Variants in TENM3 observed in about 807,000 individuals in gnomAD.
The protein encoded by TENM3 is teneurin-3.
TENM3 carries 63 observed loss-of-function variants against 255.1 expected under a neutral mutation model. The ratio of observed to expected loss-of-function variants is 0.25; its 90% CI spans 0.20 to 0.30. TENM3 has a LOEUF of 0.30. Among genes scored for constraint, TENM3 ranks in the 10% least tolerant of loss-of-function variants. The pLI is 1.00. For missense variants in TENM3, 2,929 were observed against 3,461.1 expected, an observed-to-expected ratio of 0.85 and a Z score of 3.86; for synonymous variants, 1,306 against 1,322.3, an observed-to-expected ratio of 0.99 and a Z score of 0.27.
At chr4:182,069,249 G>C in the TENM3 span, among the ~76,000 whole-genome samples, 1 of 152,162 alleles carries the variant, frequency 6.6e-6, no homozygotes, top group African/African-American at 2.4e-5. Flanking sequence ...GTTTCATGGA[G>C]AGCTGAATAT....
At chr4:182,453,560 G>A (rs1031619) in intron 3 of TENM3, among the ~76,000 whole-genome samples, 127,328 of 152,148 alleles carry the variant, frequency 0.84, 54,573 homozygotes, top group East Asian at 1. Flanking sequence ...ACTAATATGG[G>A]ACTAACATAA....
intron 12 of TENM3, among the ~76,000 whole-genome samples, chr4:182,691,990 A>T (rs1187863173): frequency 1.4e-5 from 2 of 144,310 alleles, no homozygotes; most frequent in Non-Finnish European, 3.1e-5. Flanking sequence ...ACTGTTTTTC[A>T]TGGGTAGGAA....
intron 3 of TENM3, among the ~76,000 whole-genome samples, chr4:182,442,870 A>G (rs1188054050): frequency 2.6e-5 from 4 of 151,132 alleles, no homozygotes; most frequent in East Asian, 1.9e-4. Flanking sequence ...ACACACACAC[A>G]CACACACACA....
chr4:182,171,400 G>T (rs966576265), intron 1 of TENM3, among the ~76,000 whole-genome samples: 4 of 151,932 alleles, frequency 2.6e-5, no homozygotes, highest in Non-Finnish European at 4.4e-5. Flanking sequence ...TTTCTTGTAT[G>T]AGCCGAGTGT....
intron 3 of TENM3, among the ~76,000 whole-genome samples, chr4:182,365,837 A>G (rs1048852004): frequency 6.6e-6 from 1 of 152,192 alleles, no homozygotes; most frequent in Non-Finnish European, 1.5e-5. Flanking sequence ...GGTATAGCCC[A>G]CTATATCTAG....
the TENM3 span, among the ~76,000 whole-genome samples, chr4:181,898,332 C>T: frequency 1.2e-4 from 19 of 152,114 alleles, no homozygotes; most frequent in African/African-American, 4.3e-4. Context: ...TACCCAATTC[C>T]AGTGTTTTAT....
the TENM3 span, among the ~76,000 whole-genome samples, chr4:181,818,611 C>CT: frequency 0.021 from 3,007 of 141,532 alleles, 77 homozygotes; most frequent in African/African-American, 0.059. Context: ...CAGTAAATCT[C>CT]TTTTTTTTTT....
At chr4:181,682,487 G>A in the TENM3 span, among the ~76,000 whole-genome samples, 67 of 152,202 alleles carry the variant, frequency 4.4e-4, no homozygotes, top group Non-Finnish European at 7.8e-4. Flanking sequence ...ATGTAGACAC[G>A]GACATTTGTG....
In TENM3 at chr4:182,354,729, G is replaced by A. The variant is rs191349761; in HGVS notation, c.511+7800G>A. Among the ~76,000 whole-genome samples, 435 of 152,106 alleles carry A rather than the reference G, an allele frequency of 2.9e-3. 2 individuals are homozygous for A. Among genetic ancestry groups the A allele is most frequent in the Middle Eastern group, 0.01 (3 of 294 alleles). ...GTTTTCCATAATAAATAGGCTGTAC[G>A]CAAACTAAACGTGAAACCTATTTGA... On this transcript the variant is annotated intron_variant, in intron 3 of 27. Coordinates refer to ENST00000511685, the MANE Select transcript of TENM3 (RefSeq NM_001080477.4).
At chr4:182,495,596 G>A (rs6838167) in intron 3 of TENM3, among the ~76,000 whole-genome samples, 60,880 of 152,014 alleles carry the variant, frequency 0.4, 12,479 homozygotes, top group Non-Finnish European at 0.44. Context: ...TGAGAGGAAA[G>A]GAGAAAGCAT....
the TENM3 span, among the ~76,000 whole-genome samples, chr4:182,025,828 T>A: frequency 4.3e-4 from 66 of 152,278 alleles, no homozygotes; most frequent in South Asian, 8.5e-3. Flanking sequence ...TCTTCTTTTT[T>A]AATTTTTTTT....
chr4:181,778,214 C>T, the TENM3 span, among the ~76,000 whole-genome samples: 13 of 152,090 alleles, frequency 8.5e-5, no homozygotes, highest in Middle Eastern at 3.4e-3. Context: ...AGCTAAAAAT[C>T]ATAGTACCTC....
chr4:182,218,542 T>G (rs2726811), intron 1 of TENM3, among the ~76,000 whole-genome samples: 1 of 151,916 alleles, frequency 6.6e-6, no homozygotes, highest in Non-Finnish European at 1.5e-5. Context: ...GGATAAATCA[T>G]GTGCTTAAAA....
chr4:182,122,642 A>G, the TENM3 span, among the ~76,000 whole-genome samples: 1 of 152,208 alleles, frequency 6.6e-6, no homozygotes, highest in East Asian at 1.9e-4. Context: ...TCCAGGTTTT[A>G]TTCCTTTTAC....
chr4:182,456,925 G>A (rs1773923711), intron 3 of TENM3, among the ~76,000 whole-genome samples: 1 of 152,116 alleles, frequency 6.6e-6, no homozygotes, highest in Non-Finnish European at 1.5e-5. Context: ...GCTCATGCCT[G>A]TAATCCCAGC....
chr4:181,619,790 T>C, the TENM3 span, among the ~76,000 whole-genome samples: 4 of 152,182 alleles, frequency 2.6e-5, no homozygotes, highest in African/African-American at 9.6e-5. Context: ...CCAAATACAA[T>C]TGATGGGCCA....
At chr4:182,228,360 G>A (rs375694352) in intron 1 of TENM3, among the ~76,000 whole-genome samples, 1,517 of 86,198 alleles carry the variant, frequency 0.018, 133 homozygotes, top group African/African-American at 0.037. Flanking sequence ...GTAATGTAAT[G>A]TGTGTGTGTG....
intron 3 of TENM3, among the ~76,000 whole-genome samples, chr4:182,363,542 A>G (rs2150800417): frequency 6.6e-6 from 1 of 152,274 alleles, no homozygotes; most frequent in Middle Eastern, 3.4e-3. Context: ...TTGCTTAAAA[A>G]AAAATGCATG....
intron 4 of TENM3, among the ~76,000 whole-genome samples, chr4:182,612,249 G>A (rs950428594): frequency 8.2e-5 from 12 of 145,858 alleles, no homozygotes; most frequent in Non-Finnish European, 1.0e-4. Context: ...TCCAGCCTAC[G>A]CAACAGAGCG....
Sources: allele counts gnomAD v4.1 joint callset (sites outside exome capture counted in the v4.1 genomes callset), GRCh38; gene constraint gnomAD v4.1.1; transcripts MANE v1.5; gene names NCBI Gene and HGNC (gene_info 2026-07-23, HGNC 2026-07-21).